The following ZBED6 variants were observed in gnomAD, a reference collection of about 807,000 sequenced individuals.
ZBED6 encodes zinc finger BED-type containing 6, also known as zinc finger BED domain-containing protein 6.
In ZBED6, 40 loss-of-function variants were observed where a neutral mutation model predicts 58.4. The observed-to-expected ratio is 0.68, with a 90% CI of 0.53 to 0.89. The LOEUF (loss-of-function observed/expected upper bound fraction) is 0.89, where lower values mean the gene tolerates loss of function less well. Among genes scored for constraint, ZBED6 ranks in the 40% least tolerant of loss-of-function variants. ZBED6 has a pLI of 0.00. For synonymous variants in ZBED6, 439 were observed against 350.6 expected (o/e 1.25, Z -2.82); for missense variants, 1,057 against 1,003.9 (o/e 1.05, Z -0.71).
At chr1:203,844,046 G>A (rs1015316637) in intron 11 of ZBED6, among the ~76,000 whole-genome samples, 34 of 151,884 alleles carry the variant, frequency 2.2e-4, no homozygotes, top group Non-Finnish European at 8.8e-5. Context: ...TAGTAGAAAC[G>A]GGGCTTCTCC....
exon 17 of ZBED6, chr1:203,853,212 G>C (rs1689624970): frequency 6.6e-6 from 1 of 152,362 alleles, no homozygotes; most frequent in Admixed American, 6.6e-5. Context: ...TGCTGGCATT[G>C]AATTAACACA....
At chr1:203,802,922 T>C (rs777951704) in exon 1 of ZBED6, 1 of 152,572 alleles carries the variant, frequency 6.6e-6, no homozygotes, top group Non-Finnish European at 1.5e-5. Context: ...CTCATTATTA[T>C]TAATTCATGG....
chr1:203,835,894 A>AC (rs1388801143), intron 9 of ZBED6: 1 of 240,084 alleles, frequency 4.2e-6, no homozygotes, highest in East Asian at 1.0e-4. Context: ...ATGCCCTTGG[A>AC]CCACAGCCTT....
At chr1:203,806,716 A>G (rs1028259354) in intron 1 of ZBED6, among the ~76,000 whole-genome samples, 1 of 151,758 alleles carries the variant, frequency 6.6e-6, no homozygotes, top group Non-Finnish European at 1.5e-5. Context: ...GTTTACCTCT[A>G]GTGTTTTACC....
At chr1:203,829,920 C>T (rs750758900) in intron 6 of ZBED6, 24 bp downstream of exon 6, 5 of 1,591,926 alleles carry the variant, frequency 3.1e-6, no homozygotes, top group Admixed American at 3.3e-5. Context: ...AGATTGGTGC[C>T]TCTTATAGCA....
chr1:203,815,485 C>T (rs1242315489), intron 1 of ZBED6, among the ~76,000 whole-genome samples: 1 of 150,866 alleles, frequency 6.6e-6, no homozygotes, highest in Admixed American at 6.6e-5. Context: ...TCCCAGAGTG[C>T]TGGGATTATA....
At chr1:203,828,415 G>A (rs1558122198) in exon 4 of ZBED6, 7 of 1,610,644 alleles carry the variant, frequency 4.3e-6, no homozygotes, top group Admixed American at 3.3e-5. Context: ...TCCTACCTCC[G>A]AGCAAAAGTG....
chr1:203,821,904 C>G lies in ZBED6; in HGVS notation c.*2873+3215C>G, dbSNP rs143724697. On this transcript the variant is annotated intron_variant, in intron 3 of 16. Coordinates refer to ENST00000550078, the Ensembl canonical transcript of ZBED6. ...TCCCGAGTAGCTGGGATTACAGGTG[C>G]CCGCCACCACGCCCGGCTAATTTTT... 9.1e-3 allele frequency among the ~76,000 whole-genome samples: 1,379 copies of G among 152,022 alleles called. 19 individuals are homozygous for G. Among genetic ancestry groups the G allele is most frequent in the African/African-American group, 0.032 (1,307 of 41,462 alleles).
intron 1 of ZBED6, among the ~76,000 whole-genome samples, chr1:203,810,402 G>GT (rs1446401619): frequency 2.0e-5 from 3 of 148,458 alleles, no homozygotes; most frequent in African/African-American, 7.4e-5. Flanking sequence ...CCTTTTTCTT[G>GT]TTTTACATTG....
chr1:203,799,363 A>G, exon 1 of ZBED6: 3 of 704,198 alleles, frequency 4.3e-6, no homozygotes, highest in Non-Finnish European at 7.8e-6. Flanking sequence ...AAAACTTGTC[A>G]TCATTTTAGT....
At chr1:203,831,554 A>C (rs2103040237) in intron 7 of ZBED6, 107 bp from the exon 8 acceptor site, 1 of 835,424 alleles carries the variant, frequency 1.2e-6, no homozygotes, top group South Asian at 1.6e-5. Flanking sequence ...TTATAGTCAT[A>C]ATATCAGTCT....
At chr1:203,834,070 C>G in intron 9 of ZBED6, 3 of 1,216,926 alleles carry the variant, frequency 2.5e-6, no homozygotes, top group Non-Finnish European at 3.1e-6. Flanking sequence ...TGACCATGAC[C>G]AGCGTTTTGG....
chr1:203,822,610 G>A (rs1679158337), intron 3 of ZBED6, among the ~76,000 whole-genome samples: 1 of 152,034 alleles, frequency 6.6e-6, no homozygotes, highest in East Asian at 1.9e-4. Context: ...TGCCATTCTA[G>A]ACTGACCCTA....
At position 203,797,812 on chromosome 1, in the gene ZBED6, A is replaced by G. The variant is rs1006311710; in HGVS notation, c.290A>G (p.Asp97Gly). 2.6e-6 allele frequency: 4 copies of G among 1,535,992 alleles called. No homozygotes were observed. In the Admixed American group the frequency reaches 7.8e-5, roughly 30 times the overall value. ...TTGGGATCTGGGAGGCCTGTTGCAG[A>G]TGCCCCTGCTTTGTTAGCTTCCAAT... Residue 97 changes from aspartate (D) to glycine (G), a missense_variant, in exon 1 of 17, where the codon GAT (aspartate) becomes GGT (glycine). Asp to Gly is a moderately conservative substitution (Grantham distance 94). Transcript: ENST00000550078.
rs561140011 is a variant in ZBED6, at chr1:203,802,366, C to A, written c.*1904C>A. Reference sequence around the variant, plus strand: ...TTTATAATGAACCCAAATCTAAAGTCTTTTATAGTGCATTTTAAAAGGGGA... The same window carrying A: ...TTTATAATGAACCCAAATCTAAAGTATTTTATAGTGCATTTTAAAAGGGGA... On this transcript the variant is annotated 3_prime_UTR_variant, in exon 1 of 17. Coordinates refer to ENST00000550078, the Ensembl canonical transcript of ZBED6. 18 of 152,424 alleles carry A rather than the reference C, an allele frequency of 1.2e-4. No homozygotes were observed. The South Asian group carries it at 3.3e-3, about 28-fold the overall frequency. The allele number at this position is 152,424 out of a possible 1,614,324, so 9.4% of individuals were successfully genotyped here. A position where few individuals can be genotyped will look rare whatever the true frequency, so the allele number is the denominator to read the frequency against.
At chr1:203,828,337 G>A (rs199880998) in exon 4 of ZBED6, 11 of 1,613,956 alleles carry the variant, frequency 6.8e-6, no homozygotes, top group Non-Finnish European at 1.7e-6. Flanking sequence ...GGGAAAATCA[G>A]CCAACAGGAT....
At chr1:203,847,626 C>G (rs1688229950) in exon 12 of ZBED6, 1 of 1,613,226 alleles carries the variant, frequency 6.2e-7, no homozygotes, top group South Asian at 1.1e-5. Flanking sequence ...GCACCAGCTC[C>G]CCGTCTCAAC....
At chr1:203,806,294 T>G (rs913517380) in intron 1 of ZBED6, 1 of 231,694 alleles carries the variant, frequency 4.3e-6, no homozygotes, top group South Asian at 4.9e-5. Context: ...CCCATACACC[T>G]TTTTTTCTTT....
At chr1:203,803,346 T>C (rs1558093052) in intron 1 of ZBED6, among the ~76,000 whole-genome samples, 1 of 151,950 alleles carries the variant, frequency 6.6e-6, no homozygotes, top group Non-Finnish European at 1.5e-5. Context: ...TGTGCACCAC[T>C]ACACCGGATA....
Sources: gnomAD v4.1 joint callset for allele counts (sites outside exome capture counted in the v4.1 genomes callset) on GRCh38, gnomAD v4.1.1 for gene constraint, MANE v1.5 for transcripts, NCBI Gene and HGNC (gene_info 2026-07-23, HGNC 2026-07-21) for gene names.